The following WASHC4 variants were observed in gnomAD, a reference collection of about 807,000 sequenced individuals.
The protein encoded by WASHC4 is WASH complex subunit 7.
A neutral mutation model predicts 166.6 loss-of-function variants in WASHC4; 86 were observed. The observed-to-expected ratio is 0.52, with a 90% CI of 0.43 to 0.62. The LOEUF is 0.62. WASHC4 is among the 20% of genes least tolerant of loss of function. The pLI, the probability that WASHC4 is intolerant of heterozygous loss-of-function variation, is 0.00. For missense variants in WASHC4, 1,262 were observed against 1,382.4 expected (o/e 0.91, Z 1.38); for synonymous variants, 446 against 451.6 (o/e 0.99, Z 0.16).
At chr12:105,140,482 T>C in intron 16 of WASHC4, 81 bp downstream of exon 16, 1 of 1,018,248 alleles carries the variant, frequency 9.8e-7, no homozygotes, top group Non-Finnish European at 1.6e-6. Flanking sequence ...TGTTTTCTGG[T>C]TTAACCTGTT....
At position 105,123,543 on chromosome 12, in the gene WASHC4, C is replaced by T. The variant is rs572708944; in HGVS notation, c.786+1305C>T. Among the ~76,000 whole-genome samples, 83 of 152,290 alleles carry T rather than the reference C, an allele frequency of 5.5e-4. 1 individual carries two copies. The highest frequency in any genetic ancestry group is 8.4e-4 in the Non-Finnish European group (57 of 68,032). On this transcript the variant is annotated intron_variant, in intron 10 of 32. Coordinates refer to ENST00000332180, the MANE Select transcript of WASHC4 (RefSeq NM_015275.3). ...GTTTAAGCCAAAGCCTAATCCAGAG[C>T]AAGGCTGTAACTCTCTTTAATTCTC...
chr12:105,113,971 A>C (rs1198885167), intron 2 of WASHC4, among the ~76,000 whole-genome samples: 2 of 151,980 alleles, frequency 1.3e-5, no homozygotes, highest in Non-Finnish European at 2.9e-5. Flanking sequence ...CTTATACTGC[A>C]CTCATAATCA....
rs1592903555 is a variant in WASHC4 at position 105,148,729 on chromosome 12, A to G, written c.2515-886A>G. ...ATGAATACTGAGTAAAACGGGCACA[A>G]ATTTGTCAAAATCATTAGTAATACT... On this transcript the variant is annotated intron_variant, in intron 24 of 32. Coordinates refer to ENST00000332180, the MANE Select transcript of WASHC4 (RefSeq NM_015275.3). 3 of 985,428 alleles carry G rather than the reference A, an allele frequency of 3.0e-6. No homozygotes were observed. In the South Asian group the frequency reaches 1.4e-4, roughly 46 times the overall value. 61.0% of individuals were successfully genotyped at this position (985,428 alleles called of 1,614,324 possible).
chr12:105,126,018 A>G lies in WASHC4; in HGVS notation c.801A>G (p.Gln267=), dbSNP rs1592860983. ...TTCCTGTCTAGGCCTGTATAGAACA[A>G]CAATTTGATTCTCTCAATGGAGGAG... ...DGMIFQACIE[Q]QFDSLNGGVS... is the part of the protein sequence containing the mutation. Residue 267 remains glutamine, a synonymous_variant, in exon 11 of 33, where the codon CAA becomes CAG. Transcript: ENST00000332180. 6.2e-7 allele frequency: 1 copy of G among 1,612,604 alleles called. No individual in the cohort carries two copies. Among genetic ancestry groups the G allele is most frequent in the East Asian group, 2.2e-5 (1 of 44,708 alleles).
At chr12:105,162,644 C>T in intron 29 of WASHC4, 105 bp from the exon 30 acceptor site, 2 of 674,940 alleles carry the variant, frequency 3.0e-6, no homozygotes, top group Non-Finnish European at 5.3e-6. Flanking sequence ...CTATTCTATT[C>T]TATTTATAGT....
At chr12:105,113,644 A>G (rs1879899419) in intron 2 of WASHC4, among the ~76,000 whole-genome samples, 1 of 152,098 alleles carries the variant, frequency 6.6e-6, no homozygotes, top group South Asian at 2.1e-4. Flanking sequence ...GTTAGTTAGT[A>G]TGTAACCAGA....
intron 13 of WASHC4, among the ~76,000 whole-genome samples, chr12:105,132,561 A>AT (rs1216979554): frequency 1.3e-5 from 2 of 152,226 alleles, no homozygotes; most frequent in East Asian, 3.8e-4. Context: ...GTTGGGAAAC[A>AT]TTGATGGAGA....
intron 1 of WASHC4, among the ~76,000 whole-genome samples, chr12:105,110,201 G>T (rs944359379): frequency 2.0e-5 from 3 of 152,208 alleles, no homozygotes; most frequent in Non-Finnish European, 4.4e-5. Flanking sequence ...ATAAAGGAGA[G>T]TGGGGGCTAG....
intron 12 of WASHC4, 137 bp from the exon 13 acceptor site, chr12:105,126,992 T>C (rs1881347421): frequency 2.8e-6 from 2 of 721,550 alleles, no homozygotes; most frequent in Admixed American, 2.5e-5. Flanking sequence ...ATTTGTCTCA[T>C]AATATATTAA....
chr12:105,107,836 T>A lies in WASHC4; in HGVS notation c.36T>A (p.Phe12Leu). 1.9e-6 allele frequency: 3 copies of A among 1,551,024 alleles called. No individual in the cohort carries two copies. Among genetic ancestry groups the A allele is most frequent in the Non-Finnish European group, 2.6e-6 (3 of 1,146,574 alleles). ...AVETLSPDWE[F>L]DRVDDGSQKI... Reference sequence around the variant, plus strand: ...AGACTCTGTCCCCGGACTGGGAGTTTGACCGCGTTGACGACGGCTCGCAGA... The same window carrying A: ...AGACTCTGTCCCCGGACTGGGAGTTAGACCGCGTTGACGACGGCTCGCAGA... Residue 12 changes from phenylalanine (F) to leucine (L), a missense_variant, in exon 1 of 33, where the codon TTT becomes TTA. Phe to Leu is a conservative substitution (Grantham distance 22). Coordinates refer to ENST00000332180, the MANE Select transcript of WASHC4 (RefSeq NM_015275.3).
intron 24 of WASHC4, chr12:105,148,405 A>G (rs1242440352): frequency 1.0e-6 from 1 of 985,300 alleles, no homozygotes; most frequent in Non-Finnish European, 1.2e-6. Flanking sequence ...TGTGCTGGGC[A>G]CTAGTGTGAG....
Position 105,120,616 on chromosome 12 carries a change from G to A in WASHC4, c.561+19G>A. 1.9e-6 allele frequency: 3 copies of A among 1,562,506 alleles called. No individual in the cohort carries two copies. Among genetic ancestry groups the A allele is most frequent in the Non-Finnish European group, 1.8e-6 (2 of 1,133,474 alleles). On this transcript the variant is annotated intron_variant, in intron 8 of 32. Transcript: ENST00000332180. ...TTTTCAGGTAAAAGACATTTAGCTT[G>A]ACCTGTAAAACTGTAATTATTACTA...
At chr12:105,108,034 G>A (rs538539849) in intron 1 of WASHC4, among the ~76,000 whole-genome samples, 173 bp downstream of exon 1, 16 of 152,282 alleles carry the variant, frequency 1.1e-4, no homozygotes, top group Admixed American at 7.2e-4. Flanking sequence ...TTCGGGGTTG[G>A]GGTCCCAGCC....
At chr12:105,129,908 A>C (rs746710025) in intron 13 of WASHC4, among the ~76,000 whole-genome samples, 1 of 152,250 alleles carries the variant, frequency 6.6e-6, no homozygotes. Flanking sequence ...TCCATAAAGC[A>C]TGTAACAGCC....
chr12:105,139,793 C>T (rs1030064074), intron 15 of WASHC4, among the ~76,000 whole-genome samples: 3 of 151,568 alleles, frequency 2.0e-5, no homozygotes, highest in Admixed American at 6.6e-5. Context: ...TGTGATACAT[C>T]GGCTTGCCTT....
At chr12:105,144,490 CTCT>C in intron 21 of WASHC4, 35 bp downstream of exon 21, 3 of 1,444,922 alleles carry the variant, frequency 2.1e-6, no homozygotes, top group Non-Finnish European at 2.9e-6. Flanking sequence ...GAGTCATATT[CTCT>C]TTTTTTTTTT....
chr12:105,149,565 AT>A, intron 24 of WASHC4, 49 bp from the exon 25 acceptor site: 1 of 1,206,774 alleles, frequency 8.3e-7, no homozygotes, highest in South Asian at 1.4e-5. Flanking sequence ...ATTGATTTGA[AT>A]TAATTTTTAT....
chr12:105,117,213 T>G (rs1195823227), intron 6 of WASHC4, among the ~76,000 whole-genome samples: 1 of 152,210 alleles, frequency 6.6e-6, no homozygotes, highest in Admixed American at 6.5e-5. Flanking sequence ...CAAGTCTGTT[T>G]TGTCTGACAG....
At chr12:105,109,669 T>TTTC (rs1416228518) in intron 1 of WASHC4, among the ~76,000 whole-genome samples, 4 of 149,842 alleles carry the variant, frequency 2.7e-5, no homozygotes, top group South Asian at 2.1e-4. Context: ...TTTTTTTTTT[T>TTTC]TCGAGACAAG....
Sources: gnomAD v4.1 joint callset for allele counts (sites outside exome capture counted in the v4.1 genomes callset) on GRCh38, gnomAD v4.1.1 for gene constraint, MANE v1.5 for transcripts, NCBI Gene and HGNC (gene_info 2026-07-23, HGNC 2026-07-21) for gene names.